Variants in HAPLN2 observed in about 807,000 individuals in gnomAD.
HAPLN2 encodes brain link protein-1.
HAPLN2 carries 27 observed loss-of-function variants against 29.3 expected under a neutral mutation model. The observed-to-expected ratio is 0.92, with a 90% CI of 0.68 to 1.27. The LOEUF is 1.27. HAPLN2 is among the 50% of genes most tolerant of loss of function. The pLI is 0.00. For synonymous variants in HAPLN2, 208 were observed against 211.7 expected, an observed-to-expected ratio of 0.98 and a Z score of 0.15; for missense variants, 454 against 484.3, an observed-to-expected ratio of 0.94 and a Z score of 0.59.
Position 156,623,895 on chromosome 1 carries a change from C to A in HAPLN2, c.174C>A (p.Val58=). The A allele has an allele frequency of 6.3e-7, 1 of 1,595,474 alleles. No individual in the cohort carries two copies. Among genetic ancestry groups the A allele is most frequent in the Non-Finnish European group, 8.5e-7 (1 of 1,171,198 alleles). ...GGGCCACGGCCACGCTGCCCTGCGT[C>A]CTGGGCACCACGCCTCCCAGCTACA... ...HRGATATLPC[V]LGTTPPSYKV... is the part of the protein sequence containing the mutation. Residue 58 remains valine, a synonymous_variant, in exon 4 of 7, where the codon GTC becomes GTA. Transcript: ENST00000255039.
At chr1:156,607,170 A>C in the HAPLN2 span, among the ~76,000 whole-genome samples, 1 of 152,176 alleles carries the variant, frequency 6.6e-6, no homozygotes, top group Admixed American at 6.5e-5. Flanking sequence ...TTTTCCCTTC[A>C]TTTAAAATTG....
At chr1:156,616,863 G>A (rs988212545), upstream of HAPLN2, among the ~76,000 whole-genome samples, 5 of 152,082 alleles carry the variant, frequency 3.3e-5, no homozygotes, top group African/African-American at 1.2e-4. Context: ...AAGGAGGGAG[G>A]GTCACTTGAG....
At chr1:156,614,055 C>T in the HAPLN2 span, among the ~76,000 whole-genome samples, 1 of 152,196 alleles carries the variant, frequency 6.6e-6, no homozygotes, top group Non-Finnish European at 1.5e-5. Context: ...ACTCATCTAG[C>T]TTTAGAGATA....
At chr1:156,624,499 C>T (rs1459073686) in intron 5 of HAPLN2, 32 bp downstream of exon 5, 4 of 1,608,674 alleles carry the variant, frequency 2.5e-6, no homozygotes, top group Non-Finnish European at 3.4e-6. Flanking sequence ...TTCCCAAGCC[C>T]CGCGGAGCTG....
upstream of HAPLN2, among the ~76,000 whole-genome samples, chr1:156,617,111 A>AAAGG (rs1277924490): frequency 2.0e-5 from 3 of 151,546 alleles, no homozygotes; most frequent in Admixed American, 1.3e-4. Flanking sequence ...AGAAAGAAAG[A>AAAGG]AAAGTATATT....
At chr1:156,601,602 G>A in the HAPLN2 span, 1 of 740,568 alleles carries the variant, frequency 1.4e-6, no homozygotes, top group Non-Finnish European at 2.2e-6. Context: ...TAGAAACTGG[G>A]ACCTGGAGCG....
At position 156,623,879 on chromosome 1, in the gene HAPLN2, C is replaced by A; in HGVS notation, c.158C>A (p.Ala53Asp). ...EVIHSHRGAT[A>D]TLPCVLGTTP... ...ATTCACTCTCATCGTGGGGCCACGG[C>A]CACGCTGCCCTGCGTCCTGGGCACC... Residue 53 changes from alanine to aspartate, a missense_variant, in exon 4 of 7, where the codon GCC becomes GAC. By Grantham distance (126) the Ala-to-Asp change is moderately radical (BLOSUM62 -2). Coordinates refer to ENST00000255039, the MANE Select transcript of HAPLN2 (RefSeq NM_021817.3). 1 of 1,574,568 alleles carries A rather than the reference C, an allele frequency of 6.4e-7. No homozygotes were observed. Among genetic ancestry groups the A allele is most frequent in the Admixed American group, 1.8e-5 (1 of 55,220 alleles).
intron 2 of HAPLN2, among the ~76,000 whole-genome samples, chr1:156,621,614 G>A (rs1205037127): frequency 6.6e-6 from 1 of 151,620 alleles, no homozygotes; most frequent in Non-Finnish European, 1.5e-5. Flanking sequence ...GTGGGTGCCT[G>A]TAGTCCCAGC....
At chr1:156,602,607 C>CTAG in the HAPLN2 span, among the ~76,000 whole-genome samples, 1 of 147,992 alleles carries the variant, frequency 6.8e-6, no homozygotes, top group South Asian at 2.2e-4. Context: ...CTGTGGGTCC[C>CTAG]AGCTACTGAG....
At chr1:156,618,112 C>A (rs908291384), upstream of HAPLN2, among the ~76,000 whole-genome samples, 22 of 151,554 alleles carry the variant, frequency 1.5e-4, no homozygotes, top group African/African-American at 5.1e-4. Flanking sequence ...GCCTGGGCAA[C>A]ATGATGAAAC....
chr1:156,623,667 G>C (rs1678331391), intron 3 of HAPLN2, 92 bp downstream of exon 3: 1 of 1,562,938 alleles, frequency 6.4e-7, no homozygotes, highest in Non-Finnish European at 8.7e-7. Context: ...CAGGTACCCA[G>C]GGACTGAAAG....
At position 156,624,634 on chromosome 1, in the gene HAPLN2, G is replaced by A. The variant is rs746769673; in HGVS notation, c.590G>A (p.Gly197Asp). 2 of 1,612,474 alleles carry A rather than the reference G, an allele frequency of 1.2e-6. No homozygotes were observed. The highest frequency in any genetic ancestry group is 2.2e-5 in the East Asian group (1 of 44,860). Residue 197 changes from glycine to aspartate, a missense_variant, in exon 6 of 7, where the codon GGC becomes GAC. Gly to Asp is a moderately conservative substitution (Grantham distance 94). Transcript: ENST00000255039. Reference protein sequence around the residue: ...WTEGLDWCNAGWLLEGSVRYP... With the variant: ...WTEGLDWCNADWLLEGSVRYP... The stretch of plus-strand genomic sequence containing the variant: ...GAGGGTCTGGACTGGTGTAACGCGG[G>A]CTGGCTGCTCGAGGGCTCCGTGCGC...
the HAPLN2 span, among the ~76,000 whole-genome samples, chr1:156,601,734 A>C: frequency 2.6e-5 from 4 of 152,144 alleles, no homozygotes; most frequent in African/African-American, 9.7e-5. Context: ...CGCGTCCTAC[A>C]CTGAGCTAGT....
upstream of HAPLN2, among the ~76,000 whole-genome samples, chr1:156,618,778 CAAAAAAAA>C (rs67222173): frequency 1.5e-3 from 61 of 41,686 alleles, no homozygotes; most frequent in African/African-American, 3.8e-3. Context: ...GACTCCGTCT[CAAAAAAAA>C]AAAAAAAAAA....
chr1:156,611,225 G>A, the HAPLN2 span, among the ~76,000 whole-genome samples: 22 of 144,494 alleles, frequency 1.5e-4, no homozygotes, highest in Admixed American at 7.3e-5. Context: ...AGTGAGCTAT[G>A]ATCGCACCAC....
intron 2 of HAPLN2, among the ~76,000 whole-genome samples, chr1:156,620,780 T>C (rs898147371): frequency 6.6e-6 from 1 of 152,194 alleles, no homozygotes; most frequent in African/African-American, 2.4e-5. Flanking sequence ...TAATGTAAGT[T>C]CATTAAACCA....
chr1:156,623,483 C>G lies in HAPLN2; in HGVS notation c.-8C>G, dbSNP rs1238125850. On this transcript the variant is annotated 5_prime_UTR_variant, in exon 3 of 7. Transcript: ENST00000255039. ...GCCCTGCAGACGGTGCCGGGCTGAC[C>G]CCCCATCATGCCAGGCTGGCTCACC... 1.2e-6 allele frequency: 2 copies of G among 1,613,804 alleles called. No homozygotes were observed. Among genetic ancestry groups the G allele is most frequent in the Admixed American group, 3.3e-5 (2 of 59,986 alleles).
the HAPLN2 span, among the ~76,000 whole-genome samples, chr1:156,611,618 TAAAC>T: frequency 3.9e-5 from 6 of 151,990 alleles, no homozygotes; most frequent in East Asian, 1.9e-4. Context: ...AGTATAATAA[TAAAC>T]AAACAAACAA....
the HAPLN2 span, among the ~76,000 whole-genome samples, chr1:156,606,423 TA>T: frequency 0.054 from 2,644 of 49,378 alleles, 69 homozygotes; most frequent in African/African-American, 0.17. Flanking sequence ...AGACTCTGTC[TA>T]AAAAAAAAAA....
Sources: gnomAD v4.1 joint callset for allele counts (sites outside exome capture counted in the v4.1 genomes callset) on GRCh38, gnomAD v4.1.1 for gene constraint, MANE v1.5 for transcripts, NCBI Gene and HGNC (gene_info 2026-07-23, HGNC 2026-07-21) for gene names.